The following ADAM12 variants were observed in gnomAD, a reference collection of about 807,000 sequenced individuals.
ADAM12 encodes the protein ADAM metallopeptidase domain 12, also known as disintegrin and metalloproteinase domain-containing protein 12.
In ADAM12, 70 loss-of-function variants were observed where a neutral mutation model predicts 106.4. The ratio of observed to expected loss-of-function variants is 0.66; its 90% CI spans 0.54 to 0.80. The LOEUF (loss-of-function observed/expected upper bound fraction) is 0.80. Among genes scored for constraint, ADAM12 ranks in the 30% least tolerant of loss-of-function variants. The pLI, the probability that ADAM12 is intolerant of heterozygous loss-of-function variation, is 0.00. For missense variants in ADAM12, 1,010 were observed against 1,171.9 expected (o/e 0.86, Z 2.02); for synonymous variants, 420 against 433.5 (o/e 0.97, Z 0.39).
intron 1 of ADAM12, among the ~76,000 whole-genome samples, chr10:126,351,469 T>C (rs577337091): frequency 1.3e-5 from 2 of 152,156 alleles, no homozygotes; most frequent in South Asian, 2.1e-4. Context: ...TGGTGCTGGA[T>C]TTCCCTGCCT....
chr10:126,041,651 T>G, intron 18 of ADAM12: 2 of 988,556 alleles, frequency 2.0e-6, no homozygotes, highest in Non-Finnish European at 2.4e-6. Context: ...AACCCTGCTA[T>G]TTTCATATAA....
chr10:126,167,662 T>C (rs542418531), intron 3 of ADAM12, among the ~76,000 whole-genome samples: 6 of 152,314 alleles, frequency 3.9e-5, no homozygotes, highest in Admixed American at 6.5e-5. Flanking sequence ...ATTTATTCAT[T>C]AGTGCCACAT....
chr10:126,207,027 C>T (rs559854075), intron 3 of ADAM12, among the ~76,000 whole-genome samples: 46 of 152,206 alleles, frequency 3.0e-4, no homozygotes, highest in African/African-American at 1.1e-3. Flanking sequence ...TGCCTTTCAC[C>T]GTCCGCCATG....
intron 8 of ADAM12, among the ~76,000 whole-genome samples, chr10:126,106,413 T>G (rs1423314009): frequency 6.6e-6 from 1 of 151,832 alleles, no homozygotes; most frequent in African/African-American, 2.4e-5. Context: ...CTCTCAATCC[T>G]TGTCCTTCTC....
At chr10:126,182,853 A>C (rs996381222) in intron 3 of ADAM12, among the ~76,000 whole-genome samples, 1 of 152,250 alleles carries the variant, frequency 6.6e-6, no homozygotes, top group South Asian at 2.1e-4. Flanking sequence ...GCCTCCTGGC[A>C]CGCAAGCGTG....
At chr10:126,261,928 A>G (rs886981436) in intron 3 of ADAM12, among the ~76,000 whole-genome samples, 2 of 151,418 alleles carry the variant, frequency 1.3e-5, no homozygotes, top group African/African-American at 4.9e-5. Context: ...TCAGCCTCCC[A>G]GGATAGTATT....
At chr10:126,278,180 A>T (rs1959367110) in intron 3 of ADAM12, among the ~76,000 whole-genome samples, 1 of 152,202 alleles carries the variant, frequency 6.6e-6, no homozygotes, top group African/African-American at 2.4e-5. Context: ...TTACATACAG[A>T]TTGCTTATTA....
intron 14 of ADAM12, among the ~76,000 whole-genome samples, chr10:126,056,990 T>C (rs2133459003): frequency 6.7e-5 from 1 of 14,988 alleles, no homozygotes; most frequent in South Asian, 3.4e-3. Context: ...CTGGGTCAAA[T>C]GGTATTTCTA....
chr10:126,243,696 G>GA (rs1363062514), intron 3 of ADAM12, among the ~76,000 whole-genome samples: 1 of 152,182 alleles, frequency 6.6e-6, no homozygotes, highest in East Asian at 1.9e-4. Flanking sequence ...GAATACTAAT[G>GA]AGACAGCATA....
intron 2 of ADAM12, among the ~76,000 whole-genome samples, chr10:126,316,203 T>C (rs1242290155): frequency 6.6e-6 from 1 of 152,176 alleles, no homozygotes; most frequent in East Asian, 1.9e-4. Flanking sequence ...AGCTCTGAAA[T>C]GAAATGGCCA....
intron 1 of ADAM12, among the ~76,000 whole-genome samples, chr10:126,339,847 CTTTT>C (rs146232567): frequency 4.9e-4 from 37 of 75,678 alleles, no homozygotes; most frequent in African/African-American, 1.1e-3. Flanking sequence ...CATTCTAGGG[CTTTT>C]TTTTTTTTTT....
chr10:126,108,394 T>C (rs547148010), intron 8 of ADAM12, among the ~76,000 whole-genome samples, 199 bp downstream of exon 8: 36 of 152,218 alleles, frequency 2.4e-4, no homozygotes, highest in South Asian at 4.2e-4. Context: ...AAGGCCACCA[T>C]AGTCCAGACT....
At chr10:126,140,168 G>A (rs1956484183) in intron 4 of ADAM12, among the ~76,000 whole-genome samples, 1 of 152,118 alleles carries the variant, frequency 6.6e-6, no homozygotes, top group African/African-American at 2.4e-5. Context: ...GATCTTTGGG[G>A]TCACATATGG....
At chr10:126,248,680 TG>T in intron 3 of ADAM12, among the ~76,000 whole-genome samples, 5 of 31,522 alleles carry the variant, frequency 1.6e-4, no homozygotes, top group African/African-American at 6.1e-4. Context: ...TATGTATGTA[TG>T]TATGTATTTA....
At position 126,135,607 on chromosome 10, in the gene ADAM12, A is replaced by G. The variant is rs113514244; in HGVS notation, c.393T>C (p.Ser131=). 5 of 1,614,210 alleles carry G rather than the reference A, an allele frequency of 3.1e-6. No homozygotes were observed. The Admixed American group carries it at 6.7e-5, about 22-fold the overall frequency. ...ACCTGAGACCAGAACACGTGCTGAG[A>G]CTGACTGCTGAATCAGAATATCCCC... ...HVRGYSDSAV[S]LSTCSGLRGL... The change falls in exon 5 of 23, where the codon AGT becomes AGC. Residue 131 remains serine, a synonymous_variant. Transcript: ENST00000448723.
At chr10:126,033,323 A>G (rs1954002397) in intron 21 of ADAM12, among the ~76,000 whole-genome samples, 1 of 152,198 alleles carries the variant, frequency 6.6e-6, no homozygotes, top group Admixed American at 6.5e-5. Context: ...GTTCAAGTGT[A>G]CCAGTAATCA....
intron 1 of ADAM12, among the ~76,000 whole-genome samples, chr10:126,372,937 T>G (rs1430169300): frequency 1.3e-5 from 2 of 152,228 alleles, no homozygotes; most frequent in African/African-American, 4.8e-5. Context: ...GAATAAATTA[T>G]GCTCCAAGGA....
intron 10 of ADAM12, among the ~76,000 whole-genome samples, chr10:126,097,106 T>TA (rs1179986800): frequency 6.6e-6 from 1 of 151,916 alleles, no homozygotes; most frequent in Non-Finnish European, 1.5e-5. Context: ...GTTCCAGCTC[T>TA]AAAAAAAATA....
At chr10:126,291,679 TGGA>T (rs1960154817) in intron 2 of ADAM12, among the ~76,000 whole-genome samples, 1 of 152,086 alleles carries the variant, frequency 6.6e-6, no homozygotes, top group Non-Finnish European at 1.5e-5. Context: ...ACGCTGAGGC[TGGA>T]GGAGAAGCTC....
Sources: gnomAD v4.1 joint callset for allele counts (sites outside exome capture counted in the v4.1 genomes callset) on GRCh38, gnomAD v4.1.1 for gene constraint, MANE v1.5 for transcripts, NCBI Gene and HGNC (gene_info 2026-07-23, HGNC 2026-07-21) for gene names.